GLIS3: variants seen among roughly 807,000 people sequenced by gnomAD.
GLIS3 encodes the protein zinc finger protein GLIS3.
Under a neutral mutation model 78.6 loss-of-function variants are expected in GLIS3, and 53 were observed. The ratio of observed to expected loss-of-function variants is 0.67; its 90% CI spans 0.54 to 0.85. The LOEUF is 0.85. GLIS3 is among the 40% of genes least tolerant of loss of function. GLIS3 has a pLI of 0.00. For synonymous variants in GLIS3, 684 were observed against 509.9 expected (o/e 1.34, Z -4.60); for missense variants, 1,703 against 1,231.1 (o/e 1.38, Z -5.74).
chr9:4,481,971 C>T, the GLIS3 span, among the ~76,000 whole-genome samples: 3 of 152,162 alleles, frequency 2.0e-5, no homozygotes, highest in Non-Finnish European at 4.4e-5. Flanking sequence ...AAACGTATGT[C>T]AAAATATCTT....
rs1241846695 is a variant in GLIS3 at position 3,826,347 on chromosome 9, A to C, written c.*1925T>G. ...GCTGTGAGCATGCATATGTTAGGCCACTTGTTTAGGCCAAGTGACACGACC... is the reference window on the plus strand; with the variant it reads ...GCTGTGAGCATGCATATGTTAGGCCCCTTGTTTAGGCCAAGTGACACGACC... On this transcript the variant is annotated 3_prime_UTR_variant, in exon 11 of 11. Coordinates refer to ENST00000381971, the MANE Select transcript of GLIS3 (RefSeq NM_001042413.2). 1 of 152,236 alleles carries C rather than the reference A, an allele frequency of 6.6e-6. No homozygotes were observed. Among genetic ancestry groups the C allele is most frequent in the Non-Finnish European group, 1.5e-5 (1 of 68,042 alleles). 9.4% of individuals were successfully genotyped at this position (152,236 alleles called of 1,614,324 possible).
In GLIS3 at chr9:3,828,411, G is replaced by A; in HGVS notation, c.2657-3C>T. The A allele has an allele frequency of 6.2e-7, 1 of 1,612,866 alleles. No individual in the cohort carries two copies. Among genetic ancestry groups the A allele is most frequent in the African/African-American group, 1.3e-5 (1 of 75,026 alleles). ...GGAACTTGAAGGTAAATCATACACT[G>A]GAAGAGAAAGAACGCAGTTAAGTCA... On this transcript the variant is annotated splice_polypyrimidine_tract_variant and splice_region_variant and intron_variant, in intron 10 of 10. Coordinates refer to ENST00000381971, the MANE Select transcript of GLIS3 (RefSeq NM_001042413.2).
In GLIS3 at chr9:3,879,483, AG is replaced by A; in HGVS notation, c.2240del (p.Pro747LeufsTer59). On this transcript the variant is annotated frameshift_variant, in exon 8 of 11. Coordinates refer to ENST00000381971, the MANE Select transcript of GLIS3 (RefSeq NM_001042413.2). LOFTEE classifies it high-confidence loss of function. Reference sequence around the variant, plus strand: ...GAGGTAACTGGGAGGAGGGGTTGTGAGGGCTCCCCTGTACATTATGTCCTGG... The same window carrying A: ...GAGGTAACTGGGAGGAGGGGTTGTGAGGCTCCCCTGTACATTATGTCCTGG... ...PSPGHNVQGSPHNPSSQLPPL... is the reference protein window; with the variant it reads ...PSPGHNVQGSXHNPSSQLPPL... The A allele has an allele frequency of 6.2e-7, 1 of 1,614,070 alleles. No homozygotes were observed. Among genetic ancestry groups the A allele is most frequent in the Non-Finnish European group, 8.5e-7 (1 of 1,180,006 alleles).
intron 2 of GLIS3, among the ~76,000 whole-genome samples, chr9:4,202,707 A>T (rs1188428435): frequency 1.3e-5 from 2 of 152,188 alleles, no homozygotes; most frequent in African/African-American, 4.8e-5. Flanking sequence ...CAACAAAAGT[A>T]AGCAATGGGG....
intron 2 of GLIS3, among the ~76,000 whole-genome samples, chr9:4,169,792 A>C (rs1293393298): frequency 6.6e-6 from 1 of 152,216 alleles, no homozygotes; most frequent in Non-Finnish European, 1.5e-5. Context: ...CATTTGGGAA[A>C]TCTGGGTAAA....
At chr9:3,831,557 CA>C (rs2129963698) in intron 9 of GLIS3, among the ~76,000 whole-genome samples, 1 of 152,270 alleles carries the variant, frequency 6.6e-6, no homozygotes, top group African/African-American at 2.4e-5. Flanking sequence ...AACAGTTTGA[CA>C]ACCTGTATCT....
At chr9:4,204,686 G>A (rs150597827) in intron 2 of GLIS3, among the ~76,000 whole-genome samples, 1 of 152,152 alleles carries the variant, frequency 6.6e-6, no homozygotes, top group South Asian at 2.1e-4. Context: ...GGGAGGCCGA[G>A]GCGGGCAGAC....
intron 2 of GLIS3, among the ~76,000 whole-genome samples, chr9:4,211,347 C>G (rs993991659): frequency 2.0e-5 from 3 of 152,210 alleles, no homozygotes; most frequent in African/African-American, 7.2e-5. Flanking sequence ...CAGCAGGCTC[C>G]TAAGACAGCA....
At chr9:4,070,752 A>T (rs1335204734) in intron 4 of GLIS3, among the ~76,000 whole-genome samples, 1 of 152,204 alleles carries the variant, frequency 6.6e-6, no homozygotes, top group Non-Finnish European at 1.5e-5. Context: ...AAATATTTAA[A>T]TAATTATGCA....
chr9:4,085,262 CT>C (rs35008355), intron 4 of GLIS3, among the ~76,000 whole-genome samples: 64,447 of 148,924 alleles, frequency 0.43, 14,103 homozygotes, highest in Admixed American at 0.6. Flanking sequence ...TCACTGATGG[CT>C]TTTTTTTTTT....
At chr9:4,318,828 C>G (rs746004890) in intron 2 of GLIS3, among the ~76,000 whole-genome samples, 4 of 152,130 alleles carry the variant, frequency 2.6e-5, no homozygotes, top group Non-Finnish European at 5.9e-5. Context: ...TTTTCAGAGC[C>G]TCAAAATATC....
intron 4 of GLIS3, among the ~76,000 whole-genome samples, chr9:3,997,856 A>G (rs951153224): frequency 1.3e-5 from 2 of 152,158 alleles, no homozygotes; most frequent in Admixed American, 6.5e-5. Context: ...AGTTTATACA[A>G]TAAGATAAAG....
At chr9:4,035,808 C>A (rs901809793) in intron 4 of GLIS3, 1 of 152,374 alleles carries the variant, frequency 6.6e-6, no homozygotes, top group Non-Finnish European at 1.5e-5. Flanking sequence ...GTATCCCTGC[C>A]CCACTCAAAT....
intron 4 of GLIS3, among the ~76,000 whole-genome samples, chr9:3,992,570 T>A (rs970990121): frequency 6.6e-6 from 1 of 152,208 alleles, no homozygotes; most frequent in Non-Finnish European, 1.5e-5. Flanking sequence ...AGAAACTCAA[T>A]ATGAACAACT....
At chr9:3,867,772 C>T (rs566949911) in intron 8 of GLIS3, among the ~76,000 whole-genome samples, 2 of 151,302 alleles carry the variant, frequency 1.3e-5, no homozygotes, top group African/African-American at 4.9e-5. Context: ...TGTGTGTATG[C>T]GTGTGCATGC....
At chr9:4,370,387 GTC>G in the GLIS3 span, among the ~76,000 whole-genome samples, 2 of 151,996 alleles carry the variant, frequency 1.3e-5, no homozygotes, top group Admixed American at 1.3e-4. Flanking sequence ...GTGTTGCCTT[GTC>G]TCTAGCCCAG....
chr9:3,943,997 C>G (rs7024842), intron 4 of GLIS3, among the ~76,000 whole-genome samples: 20,211 of 152,060 alleles, frequency 0.13, 1,596 homozygotes, highest in Middle Eastern at 0.23. Flanking sequence ...TGGCTTGTTG[C>G]GCTGCTTATT....
At chr9:4,028,834 A>G (rs1219944394) in intron 4 of GLIS3, among the ~76,000 whole-genome samples, 1 of 152,220 alleles carries the variant, frequency 6.6e-6, no homozygotes, top group Non-Finnish European at 1.5e-5. Context: ...AAATACATAC[A>G]TTGATAGCAG....
intron 4 of GLIS3, among the ~76,000 whole-genome samples, chr9:4,049,485 T>TGCCCACA (rs1195339867): frequency 5.3e-5 from 8 of 152,186 alleles, no homozygotes; most frequent in Admixed American, 6.5e-5. Context: ...CTACTGCCAA[T>TGCCCACA]GCCCACAGCC....
Sources: gnomAD v4.1 joint callset for allele counts (sites outside exome capture counted in the v4.1 genomes callset) on GRCh38, gnomAD v4.1.1 for gene constraint, MANE v1.5 for transcripts, NCBI Gene and HGNC (gene_info 2026-07-23, HGNC 2026-07-21) for gene names.